PLB1: variants seen among roughly 807,000 people sequenced by gnomAD.
The protein encoded by PLB1 is phospholipase B1, membrane-associated.
PLB1 carries 242 observed loss-of-function variants against 227.4 expected under a neutral mutation model. The observed-to-expected ratio is 1.06, with a 90% CI of 0.96 to 1.18. The LOEUF is 1.18. Ranked by LOEUF, PLB1 falls within the 50% of genes most tolerant of loss-of-function variation. The pLI, the probability that PLB1 is intolerant of heterozygous loss-of-function variation, is 0.00. For missense variants in PLB1, 1,858 were observed against 1,816.3 expected, an observed-to-expected ratio of 1.02 and a Z score of -0.42; for synonymous variants, 757 against 682.2, an observed-to-expected ratio of 1.11 and a Z score of -1.71.
chr2:28,606,337 C>T (rs1248135598), intron 42 of PLB1, among the ~76,000 whole-genome samples, 159 bp from the exon 43 acceptor site: 1 of 152,230 alleles, frequency 6.6e-6, no homozygotes. Flanking sequence ...AGCGACTGGC[C>T]CAAAACCCCA....
rs201306295 is a variant in PLB1 at position 28,632,177 on chromosome 2, G to C, written c.4002+37G>C. 1.9e-5 allele frequency: 29 copies of C among 1,527,240 alleles called. No homozygotes were observed. In the Admixed American group the frequency reaches 3.2e-4, roughly 17 times the overall value. The allele number at this position is 1,527,240 out of a possible 1,614,324, so 94.6% of individuals were successfully genotyped here. A position where few individuals can be genotyped will look rare whatever the true frequency, so the allele number is the denominator to read the frequency against. ...GTATTTTAGGGAGGCTCACGTATGG[G>C]GGCCTTATCACAGACGATGGATGTA... is the stretch of plus-strand genomic sequence containing the variant. On this transcript the variant is annotated intron_variant, in intron 55 of 57. Coordinates refer to ENST00000327757, the MANE Select transcript of PLB1 (RefSeq NM_153021.5).
At chr2:28,624,798 G>A (rs531386874) in intron 49 of PLB1, among the ~76,000 whole-genome samples, 183 of 540 alleles carry the variant, frequency 0.34, no homozygotes, top group African/African-American at 0.45. Context: ...ATAAGGGAAA[G>A]TCCTGAGGGG....
intron 39 of PLB1, 21 bp from the exon 40 acceptor site, chr2:28,603,945 T>G: frequency 6.8e-6 from 11 of 1,611,512 alleles, no homozygotes; most frequent in Non-Finnish European, 9.3e-6. Flanking sequence ...TGGGGCCTCC[T>G]GCCTCCCCCT....
chr2:28,503,259 GCT>G (rs1422394039), intron 1 of PLB1, among the ~76,000 whole-genome samples: 1 of 151,614 alleles, frequency 6.6e-6, no homozygotes, highest in African/African-American at 2.4e-5. Flanking sequence ...CTCAAGAGTT[GCT>G]CTCTCTCCAG....
Position 28,589,538 on chromosome 2 carries a change from A to G in PLB1, c.1904A>G (p.Asp635Gly), listed in dbSNP as rs1161919138. 4 of 1,614,060 alleles carry G rather than the reference A, an allele frequency of 2.5e-6. No individual in the cohort carries two copies. The highest frequency in any genetic ancestry group is 3.3e-5 in the Admixed American group (2 of 60,010). ...VVVQPFFENV[D>G]MPKTSEGLPD... ...GTGCAGCCGTTCTTTGAAAACGTGG[A>G]CATGCCAAAGACCTCGGTAAAGAAA... The change falls in exon 27 of 58, where the codon GAC becomes GGC. Residue 635 changes from aspartate (D) to glycine (G), a missense_variant. Coordinates refer to ENST00000327757, the MANE Select transcript of PLB1 (RefSeq NM_153021.5).
At chr2:28,612,655 C>T (rs1685624352) in intron 43 of PLB1, among the ~76,000 whole-genome samples, 2 of 149,088 alleles carry the variant, frequency 1.3e-5, no homozygotes, top group Admixed American at 1.3e-4. Context: ...GTTACCCAGA[C>T]TGGAGTGAAC....
At chr2:28,554,540 G>C (rs1056719473) in intron 17 of PLB1, among the ~76,000 whole-genome samples, 1 of 110,730 alleles carries the variant, frequency 9.0e-6, no homozygotes, top group Non-Finnish European at 1.8e-5. Context: ...TCTTATTGTT[G>C]CCCAGGCTGG....
intron 4 of PLB1, 39 bp from the exon 5 acceptor site, chr2:28,525,228 C>T (rs762155036): frequency 6.2e-7 from 1 of 1,604,318 alleles, no homozygotes; most frequent in Admixed American, 1.7e-5. Flanking sequence ...GCTCTGCCAC[C>T]TCCCCTGGCT....
At chr2:28,547,343 C>T (rs754391923) in intron 14 of PLB1, among the ~76,000 whole-genome samples, 42 of 152,100 alleles carry the variant, frequency 2.8e-4, no homozygotes, top group Non-Finnish European at 5.6e-4. Context: ...TTTCTAGGAG[C>T]GGCCACCATC....
At chr2:28,529,832 G>A in intron 8 of PLB1, 53 bp downstream of exon 8, 2 of 1,564,872 alleles carry the variant, frequency 1.3e-6, no homozygotes, top group Non-Finnish European at 1.8e-6. Flanking sequence ...TTGCTGCAAG[G>A]CGGGCAGACC....
intron 49 of PLB1, among the ~76,000 whole-genome samples, chr2:28,624,409 A>AGT (rs34677847): frequency 0.43 from 66,005 of 151,982 alleles, 15,007 homozygotes; most frequent in East Asian, 0.9. Context: ...TTTATGGCTG[A>AGT]GTAGTGTTCC....
At chr2:28,627,765 C>A (rs1558953944) in intron 51 of PLB1, among the ~76,000 whole-genome samples, 1 of 152,144 alleles carries the variant, frequency 6.6e-6, no homozygotes, top group Non-Finnish European at 1.5e-5. Flanking sequence ...TAATGGGCTG[C>A]CTGAGCTCTC....
rs2338548 is a variant in PLB1, at chr2:28,636,018, A to T, written c.4098+2979A>T. ...GTGTATGTATGTGTATGTATGTATG[A>T]ATGTGTGTGTATGTGTGTGTGTGTA... On this transcript the variant is annotated intron_variant, in intron 56 of 57. Coordinates refer to ENST00000327757, the MANE Select transcript of PLB1 (RefSeq NM_153021.5). Among the ~76,000 whole-genome samples, 494 of 54,000 alleles carry T rather than the reference A, an allele frequency of 9.1e-3. 3 individuals carry two copies. Among genetic ancestry groups the T allele is most frequent in the African/African-American group, 0.021 (440 of 21,082 alleles). The allele number at this position is 54,000 out of a possible 152,430, so 35.4% of individuals were successfully genotyped here.
rs1212195524 is a variant in PLB1 at position 28,641,134 on chromosome 2, TC to T, written c.4173+136del. On this transcript the variant is annotated intron_variant, in intron 57 of 57. Transcript: ENST00000327757. ...CTTCACTCACTGCCGTCTTCTCAAA[TC>T]CCACCTGTCCCCAGTGCCACGGAAA... The T allele has an allele frequency of 6.2e-6, 5 of 802,366 alleles. No homozygotes were observed. In the African/African-American group the frequency reaches 7.1e-5, roughly 11 times the overall value. The allele number at this position is 802,366 out of a possible 1,614,324, so 49.7% of individuals were successfully genotyped here.
chr2:28,583,558 G>A (rs1033113256), intron 25 of PLB1, among the ~76,000 whole-genome samples: 5 of 152,182 alleles, frequency 3.3e-5, no homozygotes, highest in African/African-American at 1.2e-4. Context: ...CATGTGACAG[G>A]TTGTAGTGAA....
At position 28,589,673 on chromosome 2, in the gene PLB1, A is replaced by C; in HGVS notation, c.1921-2A>C. The C allele has an allele frequency of 6.2e-7, 1 of 1,614,080 alleles. No homozygotes were observed. The highest frequency in any genetic ancestry group is 8.5e-7 in the Non-Finnish European group (1 of 1,179,972). On this transcript the variant is annotated splice_acceptor_variant, in intron 27 of 57. Coordinates refer to ENST00000327757, the MANE Select transcript of PLB1 (RefSeq NM_153021.5). LOFTEE classifies it high-confidence loss of function. ...GCCTCTCTTTTTCTGCCCGGTGACC[A>C]GGAAGGATTGCCTGACAACTCTTTC...
At chr2:28,619,819 T>C (rs1686760363) in intron 46 of PLB1, among the ~76,000 whole-genome samples, 1 of 151,898 alleles carries the variant, frequency 6.6e-6, no homozygotes, top group Non-Finnish European at 1.5e-5. Context: ...CTCAGAAGAT[T>C]GGTGGTGGGA....
chr2:28,512,597 A>G (rs1668408658), intron 1 of PLB1, among the ~76,000 whole-genome samples: 1 of 151,452 alleles, frequency 6.6e-6, no homozygotes, highest in Non-Finnish European at 1.5e-5. Flanking sequence ...TTGTTTTTTA[A>G]TAACTTGCCT....
chr2:28,630,611 T>A lies in PLB1; in HGVS notation c.3844T>A (p.Ser1282Thr). ...AQNNCTCLRHSQSSLEKQELK... is the reference protein window; with the variant it reads ...AQNNCTCLRHTQSSLEKQELK... ...GAACAACTGCACTTGCCTCAGACAC[T>A]CGCAAAGCTCCCTGGAGAAGCAAGA... Residue 1282 changes from serine to threonine, a missense_variant, in exon 54 of 58, where the codon TCG (serine) becomes ACG (threonine). Physicochemically the swap from Ser to Thr is moderately conservative, Grantham distance 58. Transcript: ENST00000327757. 1 of 1,613,672 alleles carries A rather than the reference T, an allele frequency of 6.2e-7. No homozygotes were observed. Among genetic ancestry groups the A allele is most frequent in the Non-Finnish European group, 8.5e-7 (1 of 1,179,804 alleles).
Sources: gnomAD v4.1 joint callset for allele counts (sites outside exome capture counted in the v4.1 genomes callset) on GRCh38, gnomAD v4.1.1 for gene constraint, MANE v1.5 for transcripts, NCBI Gene and HGNC (gene_info 2026-07-23, HGNC 2026-07-21) for gene names.